The following QKI variants were observed in gnomAD, a reference collection of about 807,000 sequenced individuals.
The protein encoded by QKI is QKI, KH domain containing RNA binding.
QKI carries 10 observed loss-of-function variants against 39.0 expected under a neutral mutation model. That is an observed-to-expected ratio of 0.26 (90% CI 0.16 to 0.43). The LOEUF (loss-of-function observed/expected upper bound fraction) is 0.43. Among genes scored for constraint, QKI ranks in the 20% least tolerant of loss-of-function variants. The pLI, the probability that QKI is intolerant of heterozygous loss-of-function variation, is 1.00. For synonymous variants in QKI, 204 were observed against 155.4 expected (o/e 1.31, Z -2.33); for missense variants, 218 against 428.0 (o/e 0.51, Z 4.33).
intron 2 of QKI, among the ~76,000 whole-genome samples, chr6:163,465,190 A>G (rs1791643769): frequency 1.3e-5 from 2 of 152,202 alleles, no homozygotes; most frequent in African/African-American, 4.8e-5. Context: ...CCACAACATA[A>G]TAAAGGCTAT....
intron 3 of QKI, among the ~76,000 whole-genome samples, chr6:163,515,410 T>C (rs28726366): frequency 0.04 from 6,153 of 152,188 alleles, 139 homozygotes; most frequent in African/African-American, 0.063. Flanking sequence ...TTTTGGAAGA[T>C]GGGAATGAGG....
At chr6:163,500,887 C>A (rs985696382) in intron 3 of QKI, among the ~76,000 whole-genome samples, 1 of 152,126 alleles carries the variant, frequency 6.6e-6, no homozygotes, top group African/African-American at 2.4e-5. Flanking sequence ...CACGCCCACA[C>A]ACATAACTGA....
At chr6:163,415,720 C>T (rs1787400992) in intron 1 of QKI, among the ~76,000 whole-genome samples, 1 of 151,926 alleles carries the variant, frequency 6.6e-6, no homozygotes, top group Admixed American at 6.5e-5. Flanking sequence ...CCACGCCGCG[C>T]CGCCGGCCTG....
chr6:163,417,578 G>C (rs187557756), intron 1 of QKI, among the ~76,000 whole-genome samples: 50 of 152,196 alleles, frequency 3.3e-4, no homozygotes, highest in African/African-American at 1.1e-3. Flanking sequence ...TTCAAATCCA[G>C]AAATTTCAAT....
chr6:163,471,383 A>G (rs571553775), intron 2 of QKI, among the ~76,000 whole-genome samples: 82 of 152,210 alleles, frequency 5.4e-4, no homozygotes, highest in Non-Finnish European at 9.6e-4. Context: ...TTGAAGATGC[A>G]TAAAGGAATA....
intron 4 of QKI, among the ~76,000 whole-genome samples, chr6:163,539,567 C>CT (rs1781393244): frequency 6.6e-6 from 1 of 152,094 alleles, no homozygotes; most frequent in Non-Finnish European, 1.5e-5. Flanking sequence ...AGGTGCCTTC[C>CT]TAAATAGGCA....
intron 1 of QKI, among the ~76,000 whole-genome samples, chr6:163,426,266 C>G (rs1010458412): frequency 7.0e-6 from 1 of 143,362 alleles, no homozygotes; most frequent in African/African-American, 2.6e-5. Flanking sequence ...TTTCAAATGA[C>G]ATTGATTTAA....
intron 2 of QKI, among the ~76,000 whole-genome samples, chr6:163,462,950 T>A (rs978043294): frequency 6.6e-6 from 1 of 152,166 alleles, no homozygotes; most frequent in Non-Finnish European, 1.5e-5. Context: ...AGAATAAAGA[T>A]GTATGTGATG....
rs910201554 is a variant in QKI, at chr6:163,575,042, G to C, written c.*4332G>C. 2 of 152,208 alleles carry C rather than the reference G, an allele frequency of 1.3e-5. No homozygotes were observed. Among genetic ancestry groups the C allele is most frequent in the Non-Finnish European group, 2.9e-5 (2 of 68,038 alleles). 9.4% of individuals were successfully genotyped at this position (152,208 alleles called of 1,614,324 possible). On this transcript the variant is annotated 3_prime_UTR_variant, in exon 8 of 8. Transcript: ENST00000361752. ...CCATTGAGATGGTCATTTGGATCAT[G>C]TAAACAAACCGTGTCATGTCTCTGA...
chr6:163,550,872 AG>A (rs2128246261), intron 4 of QKI, among the ~76,000 whole-genome samples: 1 of 151,046 alleles, frequency 6.6e-6, no homozygotes, highest in South Asian at 2.1e-4. Context: ...GCGTGAACCC[AG>A]GAGGCGGAGC....
At chr6:163,486,318 T>C (rs966756114) in intron 3 of QKI, among the ~76,000 whole-genome samples, 9 of 152,240 alleles carry the variant, frequency 5.9e-5, no homozygotes, top group Non-Finnish European at 8.8e-5. Context: ...AATATTTGTT[T>C]CCCAAATGTA....
chr6:163,415,110 C>G lies in QKI; in HGVS notation c.-84C>G. On this transcript the variant is annotated 5_prime_UTR_variant, in exon 1 of 8. Coordinates refer to ENST00000361752, the MANE Select transcript of QKI (RefSeq NM_006775.3). ...GGGACGCCGGGTCCCGAGCGGCCCG[C>G]GGCCGGGGCTCGCCCCCGCCCCTCC... The G allele has an allele frequency of 9.4e-7, 1 of 1,059,438 alleles. No homozygotes were observed. The highest frequency in any genetic ancestry group is 1.1e-6 in the Non-Finnish European group (1 of 875,664). 65.6% of individuals were successfully genotyped at this position (1,059,438 alleles called of 1,614,324 possible).
chr6:163,567,828 ACTT>A (rs1783457898), intron 7 of QKI: 1 of 984,940 alleles, frequency 1.0e-6, no homozygotes, highest in Non-Finnish European at 1.2e-6. Flanking sequence ...CTGGATTTGT[ACTT>A]CAATTGTACA....
intron 4 of QKI, among the ~76,000 whole-genome samples, chr6:163,536,598 C>A (rs187636274): frequency 7.2e-5 from 11 of 152,254 alleles, no homozygotes; most frequent in Non-Finnish European, 1.2e-4. Context: ...TTTAAATTTT[C>A]TATTTACCCA....
intron 3 of QKI, among the ~76,000 whole-genome samples, chr6:163,528,746 G>A (rs1780669357): frequency 6.6e-6 from 1 of 152,076 alleles, no homozygotes; most frequent in Non-Finnish European, 1.5e-5. Flanking sequence ...CATCAAGTGT[G>A]AATGAATTAT....
intron 4 of QKI, among the ~76,000 whole-genome samples, chr6:163,545,856 A>C (rs1238371): frequency 0.84 from 127,180 of 151,436 alleles, 53,975 homozygotes; most frequent in East Asian, 1. Context: ...AAATATTTAT[A>C]CCCTAGGAAA....
At position 163,454,426 on chromosome 6, in the gene QKI, T is replaced by C. The variant is rs77887469; in HGVS notation, c.143-853T>C. On this transcript the variant is annotated intron_variant, in intron 1 of 7. Transcript: ENST00000361752. ...TAATATTTCAATCATTAACCCAGTG[T>C]AGCTTGATCTGTTACCCTCTTTCCC... Among the ~76,000 whole-genome samples, 475 of 152,244 alleles carry C rather than the reference T, an allele frequency of 3.1e-3. 3 individuals carry two copies. The highest frequency in any genetic ancestry group is 0.011 in the African/African-American group (450 of 41,544).
chr6:163,532,945 T>A (rs1398648592), intron 3 of QKI, among the ~76,000 whole-genome samples: 1 of 152,180 alleles, frequency 6.6e-6, no homozygotes, highest in Non-Finnish European at 1.5e-5. Flanking sequence ...AGTTGTCTGA[T>A]GTCCAGTGGC....
intron 4 of QKI, among the ~76,000 whole-genome samples, chr6:163,536,583 C>T (rs972090552): frequency 5.3e-5 from 8 of 152,074 alleles, no homozygotes; most frequent in African/African-American, 1.2e-4. Context: ...ATATTGTTAG[C>T]GTCTTTTAAA....
Sources: gnomAD v4.1 joint callset for allele counts (sites outside exome capture counted in the v4.1 genomes callset) on GRCh38, gnomAD v4.1.1 for gene constraint, MANE v1.5 for transcripts, NCBI Gene and HGNC (gene_info 2026-07-23, HGNC 2026-07-21) for gene names.